Variants in KCTD20 observed in about 807,000 individuals in gnomAD.
The protein encoded by KCTD20 is BTB/POZ domain-containing protein KCTD20.
KCTD20 carries 30 observed loss-of-function variants against 39.6 expected under a neutral mutation model. The ratio of observed to expected loss-of-function variants is 0.76; its 90% confidence interval spans 0.57 to 1.03. KCTD20 has a LOEUF of 1.03. Ranked by LOEUF, KCTD20 falls within the 50% of genes least tolerant of loss-of-function variation. KCTD20 has a pLI of 0.00. For missense variants in KCTD20, 422 were observed against 522.0 expected, an observed-to-expected ratio of 0.81 and a Z score of 1.87; for synonymous variants, 162 against 180.6, an observed-to-expected ratio of 0.90 and a Z score of 0.83.
At chr6:36,446,024 G>GTTTGTT (rs1554158232) in intron 1 of KCTD20, among the ~76,000 whole-genome samples, 2 of 126,530 alleles carry the variant, frequency 1.6e-5, no homozygotes, top group African/African-American at 5.9e-5. Context: ...TATGAACTCA[G>GTTTGTT]TTTTTTTTTT....
intron 1 of KCTD20, among the ~76,000 whole-genome samples, chr6:36,448,881 G>A (rs1410309614): frequency 2.0e-5 from 3 of 152,138 alleles, no homozygotes; most frequent in African/African-American, 7.2e-5. Context: ...TGGTCTTGCT[G>A]ACTTCAGGAG....
intron 1 of KCTD20, among the ~76,000 whole-genome samples, chr6:36,464,796 G>A (rs769159217): frequency 6.6e-6 from 1 of 152,160 alleles, no homozygotes; most frequent in Non-Finnish European, 1.5e-5. Context: ...CAGACTGGAA[G>A]GGCTAGGATT....
At chr6:36,451,845 ACT>A (rs1775266437) in intron 1 of KCTD20, among the ~76,000 whole-genome samples, 1 of 151,416 alleles carries the variant, frequency 6.6e-6, no homozygotes, top group Non-Finnish European at 1.5e-5. Context: ...ACAGAGTCTC[ACT>A]CTGTCACCCA....
intron 7 of KCTD20, among the ~76,000 whole-genome samples, chr6:36,486,290 A>G (rs147162221): frequency 6.6e-6 from 1 of 152,238 alleles, no homozygotes; most frequent in Non-Finnish European, 1.5e-5. Flanking sequence ...TCCCAGAACA[A>G]CCCATCAAAC....
intron 1 of KCTD20, among the ~76,000 whole-genome samples, chr6:36,448,015 G>GTATATATATATATATATATATATATATA (rs70975158): frequency 1.2e-4 from 16 of 128,934 alleles, no homozygotes; most frequent in African/African-American, 5.2e-4. Context: ...ATGTGTGTGT[G>GTATATATATATATATATATATATATATA]TATATATATA....
intron 1 of KCTD20, among the ~76,000 whole-genome samples, chr6:36,453,875 C>T (rs554519240): frequency 2.6e-5 from 4 of 152,226 alleles, no homozygotes; most frequent in South Asian, 4.2e-4. Flanking sequence ...TTAACAAGTT[C>T]GCATATGTTG....
intron 1 of KCTD20, among the ~76,000 whole-genome samples, chr6:36,466,091 G>A (rs962039062): frequency 8.6e-6 from 1 of 116,070 alleles, no homozygotes; most frequent in East Asian, 2.5e-4. Flanking sequence ...TTTTTTTTTT[G>A]AGATGGAGTC....
rs1776440172 is a variant in KCTD20 at position 36,486,915 on chromosome 6, A to C, written c.1000A>C (p.Arg334=). ...TACCTGTAAAGAAAAAATTAAGAGA[A>C]GGCCTGGCGGCCGGTCTGAAGTCAT... ...YPTCKEKIKR[R]PGGRSEVIYN... The change falls in exon 8 of 8, where the codon AGG becomes CGG. Residue 334 remains arginine (R), a synonymous_variant. Transcript: ENST00000373731. 2.5e-6 allele frequency: 4 copies of C among 1,613,270 alleles called. No homozygotes were observed. Among genetic ancestry groups the C allele is most frequent in the Admixed American group, 1.7e-5 (1 of 59,794 alleles).
chr6:36,487,274 G>GCTT lies in KCTD20; in HGVS notation c.*102_*104dup. ...TTGTCTCACCTTGAGTAGGAGACAT[G>GCTT]CTTCTCCCCTAACCTTTTCCTTTCT... is the stretch of plus-strand genomic sequence containing the variant. On this transcript the variant is annotated 3_prime_UTR_variant, in exon 8 of 8. Coordinates refer to ENST00000373731, the MANE Select transcript of KCTD20 (RefSeq NM_173562.5). 8.5e-7 allele frequency: 1 copy of GCTT among 1,182,612 alleles called. No individual in the cohort carries two copies. Among genetic ancestry groups the GCTT allele is most frequent in the Non-Finnish European group, 1.2e-6 (1 of 827,400 alleles). The allele number at this position is 1,182,612 out of a possible 1,614,324, so 73.3% of individuals were successfully genotyped here. A position where few individuals can be genotyped will look rare whatever the true frequency, so the allele number is the denominator to read the frequency against.
Position 36,448,899 on chromosome 6 carries a change from G to A in KCTD20, c.-47+5788G>A, listed in dbSNP as rs894036747. ...TCTTGCTGACTTCAGGAGTGAAGCC[G>A]CAGACCTTCTCAGTGAGTGTTACAG... is the stretch of plus-strand genomic sequence containing the variant. On this transcript the variant is annotated intron_variant, in intron 1 of 7. Coordinates refer to ENST00000373731, the MANE Select transcript of KCTD20 (RefSeq NM_173562.5). 9.2e-5 allele frequency among the ~76,000 whole-genome samples: 14 copies of A among 152,080 alleles called. 1 individual carries two copies. Among genetic ancestry groups the A allele is most frequent in the African/African-American group, 3.1e-4 (13 of 41,412 alleles).
At position 36,491,093 on chromosome 6, in the gene KCTD20, G is replaced by A. The variant is rs1018519275; in HGVS notation, c.*3918G>A. 7.9e-5 allele frequency: 12 copies of A among 151,906 alleles called. No individual in the cohort carries two copies. Among genetic ancestry groups the A allele is most frequent in the Admixed American group, 2.6e-4 (4 of 15,248 alleles). The allele number at this position is 151,906 out of a possible 1,614,324, so 9.4% of individuals were successfully genotyped here. A position where few individuals can be genotyped will look rare whatever the true frequency, so the allele number is the denominator to read the frequency against. ...CACTTGTTCACCTACCAGTGTTTAC[G>A]AAATCCTGTATTTGGGATGCTTTTT... On this transcript the variant is annotated 3_prime_UTR_variant, in exon 8 of 8. Transcript: ENST00000373731.
At chr6:36,473,588 C>T (rs1366940704) in intron 2 of KCTD20, among the ~76,000 whole-genome samples, 1 of 151,630 alleles carries the variant, frequency 6.6e-6, no homozygotes, top group African/African-American at 2.4e-5. Context: ...CTAGCTAACA[C>T]GATGAAACCT....
intron 1 of KCTD20, among the ~76,000 whole-genome samples, chr6:36,468,893 G>A (rs1775835553): frequency 6.6e-6 from 1 of 151,978 alleles, no homozygotes; most frequent in Non-Finnish European, 1.5e-5. Flanking sequence ...CTATCAAAGT[G>A]GTCATTTTTA....
At chr6:36,443,391 ACTTGACTG>A (rs1310738623) in intron 1 of KCTD20, 2 of 152,142 alleles carry the variant, frequency 1.3e-5, no homozygotes, top group Admixed American at 6.6e-5. Context: ...CTGAAGTGTA[ACTTGACTG>A]CTTGACTGCT....
intron 4 of KCTD20, 123 bp from the exon 5 acceptor site, chr6:36,479,468 C>G: frequency 1.1e-6 from 1 of 906,386 alleles, no homozygotes; most frequent in Non-Finnish European, 1.7e-6. Context: ...TCTAATGAAT[C>G]ATCCAATTTG....
intron 1 of KCTD20, among the ~76,000 whole-genome samples, chr6:36,467,524 G>C (rs900009367): frequency 2.7e-5 from 4 of 150,394 alleles, no homozygotes; most frequent in Non-Finnish European, 5.9e-5. Flanking sequence ...TTTTAATAGA[G>C]ACGGGGTTTC....
At position 36,490,356 on chromosome 6, in the gene KCTD20, G is replaced by GAA. The variant is rs1318433319; in HGVS notation, c.*3183_*3184dup. 1.3e-5 allele frequency: 2 copies of GAA among 151,760 alleles called. No homozygotes were observed. The highest frequency in any genetic ancestry group is 2.9e-5 in the Non-Finnish European group (2 of 67,976). 9.4% of individuals were successfully genotyped at this position (151,760 alleles called of 1,614,324 possible). The stretch of plus-strand genomic sequence containing the variant: ...TCGAGACCAGCCTGGCCAACATGGT[G>GAA]AAACCCCGTCTCTACTAAAAATACA... On this transcript the variant is annotated 3_prime_UTR_variant, in exon 8 of 8. Coordinates refer to ENST00000373731, the MANE Select transcript of KCTD20 (RefSeq NM_173562.5).
intron 1 of KCTD20, among the ~76,000 whole-genome samples, chr6:36,462,324 T>C (rs1229074123): frequency 6.6e-6 from 1 of 152,224 alleles, no homozygotes; most frequent in Non-Finnish European, 1.5e-5. Context: ...TTTTGGGTTT[T>C]GGGTCTTGAT....
intron 1 of KCTD20, among the ~76,000 whole-genome samples, chr6:36,458,184 C>T (rs924910596): frequency 6.6e-6 from 1 of 152,150 alleles, no homozygotes; most frequent in African/African-American, 2.4e-5. Flanking sequence ...TCCTGAGTAG[C>T]TGGGACCACA....
Sources: gnomAD v4.1 joint callset for allele counts (sites outside exome capture counted in the v4.1 genomes callset) on GRCh38, gnomAD v4.1.1 for gene constraint, MANE v1.5 for transcripts, NCBI Gene and HGNC (gene_info 2026-07-23, HGNC 2026-07-21) for gene names.